The following CSMD1 variants were observed in gnomAD, a reference collection of about 807,000 sequenced individuals.
The protein encoded by CSMD1 is CUB and sushi domain-containing protein 1.
In CSMD1, 213 loss-of-function variants were observed where a neutral mutation model predicts 417.5. The observed-to-expected ratio is 0.51, with a 90% CI of 0.46 to 0.57. The LOEUF (loss-of-function observed/expected upper bound fraction) is 0.57. Ranked by LOEUF, CSMD1 falls within the 20% of genes least tolerant of loss-of-function variation. CSMD1 has a pLI of 0.00. For synonymous variants in CSMD1, 2,862 were observed against 1,736.8 expected (o/e 1.65, Z -16.11); for missense variants, 6,923 against 4,529.7 (o/e 1.53, Z -15.17).
chr8:4,221,123 G>A (rs147551728), intron 3 of CSMD1, among the ~76,000 whole-genome samples: 13 of 152,142 alleles, frequency 8.5e-5, no homozygotes, highest in Admixed American at 3.3e-4. Flanking sequence ...ACAAGACAGA[G>A]AATAGAAATG....
chr8:4,304,115 G>C (rs890221451), intron 3 of CSMD1, among the ~76,000 whole-genome samples: 2 of 152,070 alleles, frequency 1.3e-5, no homozygotes, highest in African/African-American at 4.8e-5. Context: ...ATTAACCACT[G>C]TTATTTAGGC....
intron 1 of CSMD1, among the ~76,000 whole-genome samples, chr8:4,797,178 C>A (rs182550885): frequency 1.3e-5 from 2 of 152,188 alleles, no homozygotes; most frequent in Non-Finnish European, 2.9e-5. Context: ...AGGCTCCAGG[C>A]AGGCAGCTGA....
chr8:4,248,363 TC>T (rs1479644268), intron 3 of CSMD1, among the ~76,000 whole-genome samples: 1 of 152,146 alleles, frequency 6.6e-6, no homozygotes, highest in African/African-American at 2.4e-5. Flanking sequence ...TACCATCTCA[TC>T]CCTTGGTGAG....
chr8:4,715,558 C>A (rs899513481), intron 1 of CSMD1, among the ~76,000 whole-genome samples: 2 of 152,072 alleles, frequency 1.3e-5, no homozygotes, highest in African/African-American at 4.8e-5. Context: ...ATCCAACGGT[C>A]CACCCTGAAC....
At chr8:3,434,845 C>T (rs1308580285) in intron 12 of CSMD1, among the ~76,000 whole-genome samples, 1 of 152,164 alleles carries the variant, frequency 6.6e-6, no homozygotes, top group Non-Finnish European at 1.5e-5. Flanking sequence ...CAGGAAGTGG[C>T]ACACTCAAAT....
chr8:4,763,997 A>C (rs1375127051), intron 1 of CSMD1, among the ~76,000 whole-genome samples: 1 of 152,168 alleles, frequency 6.6e-6, no homozygotes, highest in Non-Finnish European at 1.5e-5. Context: ...ACCAACGTCT[A>C]GTTTTTCATT....
At chr8:3,933,660 G>C (rs796488684) in intron 5 of CSMD1, among the ~76,000 whole-genome samples, 2 of 152,208 alleles carry the variant, frequency 1.3e-5, no homozygotes, top group African/African-American at 4.8e-5. Flanking sequence ...CAGAAAAACA[G>C]TTATTATTTT....
intron 6 of CSMD1, among the ~76,000 whole-genome samples, chr8:3,731,434 A>G (rs1222289087): frequency 1.3e-5 from 2 of 152,170 alleles, no homozygotes; most frequent in Non-Finnish European, 2.9e-5. Context: ...TGGCATGGTC[A>G]TGATAATGAC....
chr8:3,444,143 G>C (rs954734353), intron 12 of CSMD1, among the ~76,000 whole-genome samples: 11 of 152,132 alleles, frequency 7.2e-5, no homozygotes, highest in African/African-American at 2.4e-4. Flanking sequence ...AAATCAAGCA[G>C]TGATTAATAT....
chr8:3,937,755 G>T (rs1020694767), intron 5 of CSMD1, among the ~76,000 whole-genome samples: 1 of 152,072 alleles, frequency 6.6e-6, no homozygotes, highest in Non-Finnish European at 1.5e-5. Flanking sequence ...TACTGATTAA[G>T]ATGTAATATA....
intron 3 of CSMD1, among the ~76,000 whole-genome samples, chr8:4,072,850 T>C (rs1235829129): frequency 2.6e-5 from 4 of 152,184 alleles, no homozygotes; most frequent in African/African-American, 7.2e-5. Context: ...ACTACAACAA[T>C]TTAGAAGCTT....
chr8:4,080,293 C>T (rs141186157), intron 3 of CSMD1, among the ~76,000 whole-genome samples: 154 of 152,276 alleles, frequency 1.0e-3, no homozygotes, highest in Middle Eastern at 3.4e-3. Context: ...ACCACGGTTA[C>T]AGTGTACCTA....
intron 1 of CSMD1, among the ~76,000 whole-genome samples, chr8:4,878,481 T>G (rs187479288): frequency 6.6e-6 from 1 of 151,852 alleles, no homozygotes; most frequent in Non-Finnish European, 1.5e-5. Context: ...TAAGACAGCA[T>G]AGAATCATGA....
At chr8:3,629,871 A>G (rs916243796) in intron 7 of CSMD1, among the ~76,000 whole-genome samples, 1 of 152,260 alleles carries the variant, frequency 6.6e-6, no homozygotes, top group Non-Finnish European at 1.5e-5. Context: ...CTAGTTGTAC[A>G]GGAAATCGTG....
At chr8:4,873,716 TTTGGCTTC>T (rs1400330719) in intron 1 of CSMD1, among the ~76,000 whole-genome samples, 1 of 152,138 alleles carries the variant, frequency 6.6e-6, no homozygotes, top group Non-Finnish European at 1.5e-5. Flanking sequence ...TAAACCAATA[TTTGGCTTC>T]AAGGAGCTCA....
intron 3 of CSMD1, among the ~76,000 whole-genome samples, chr8:4,350,140 A>G (rs1801007044): frequency 6.6e-6 from 1 of 152,144 alleles, no homozygotes; most frequent in South Asian, 2.1e-4. Context: ...TTCAGTCCAA[A>G]TCATCAAATC....
chr8:4,789,969 T>G (rs1376090871), intron 1 of CSMD1, among the ~76,000 whole-genome samples: 1 of 152,188 alleles, frequency 6.6e-6, no homozygotes, highest in Non-Finnish European at 1.5e-5. Context: ...AAGGTGCTAT[T>G]TCTCTCTTCC....
chr8:4,152,962 G>A (rs7005931), intron 3 of CSMD1, among the ~76,000 whole-genome samples: 1 of 152,080 alleles, frequency 6.6e-6, no homozygotes, highest in Admixed American at 6.5e-5. Flanking sequence ...AATGGTATTT[G>A]CCTTCATTTT....
chr8:3,279,739 A>G (rs1055999257), intron 26 of CSMD1, among the ~76,000 whole-genome samples: 2 of 152,120 alleles, frequency 1.3e-5, no homozygotes, highest in African/African-American at 4.8e-5. Context: ...AAGGGGAAGC[A>G]AAGCACCTTC....
Sources: gnomAD v4.1 joint callset for allele counts (sites outside exome capture counted in the v4.1 genomes callset) on GRCh38, gnomAD v4.1.1 for gene constraint, MANE v1.5 for transcripts, NCBI Gene and HGNC (gene_info 2026-07-23, HGNC 2026-07-21) for gene names.